HS3ST3A1: variants seen among roughly 807,000 people sequenced by gnomAD.
HS3ST3A1 encodes heparan sulfate-glucosamine 3-sulfotransferase 3A1, also known as heparan sulfate glucosamine 3-O-sulfotransferase 3A1.
HS3ST3A1 carries 19 observed loss-of-function variants against 25.7 expected under a neutral mutation model. The observed-to-expected ratio is 0.74, with a 90% CI of 0.52 to 1.08. The LOEUF (loss-of-function observed/expected upper bound fraction) is 1.08, where lower values mean the gene tolerates loss of function less well. HS3ST3A1 is among the 50% of genes least tolerant of loss of function. The pLI, the probability that HS3ST3A1 is intolerant of heterozygous loss-of-function variation, is 0.00. For synonymous variants in HS3ST3A1, 226 were observed against 278.6 expected, an observed-to-expected ratio of 0.81 and a Z score of 1.88; for missense variants, 459 against 594.3, an observed-to-expected ratio of 0.77 and a Z score of 2.37.
intron 1 of HS3ST3A1, among the ~76,000 whole-genome samples, chr17:13,548,780 A>G (rs895279874): frequency 4.9e-4 from 75 of 152,194 alleles, no homozygotes; most frequent in African/African-American, 1.7e-3. Context: ...GTCTAGCTAA[A>G]GGTTTATAAA....
chr17:13,526,009 A>G (rs1477099463), intron 1 of HS3ST3A1, among the ~76,000 whole-genome samples: 1 of 152,038 alleles, frequency 6.6e-6, no homozygotes, highest in East Asian at 1.9e-4. Context: ...TGTACTTGAC[A>G]TGATATCCTA....
chr17:13,589,715 T>G (rs899433532), intron 1 of HS3ST3A1, among the ~76,000 whole-genome samples: 6 of 152,192 alleles, frequency 3.9e-5, no homozygotes, highest in Non-Finnish European at 8.8e-5. Context: ...GTTTACTTTG[T>G]TTAAAGCTTT....
At chr17:13,564,616 T>C (rs1274495933) in intron 1 of HS3ST3A1, among the ~76,000 whole-genome samples, 3 of 152,148 alleles carry the variant, frequency 2.0e-5, no homozygotes, top group African/African-American at 7.2e-5. Context: ...TTTTTATTAT[T>C]GTATTGTTTT....
chr17:13,591,572 A>G (rs1224301184), intron 1 of HS3ST3A1, among the ~76,000 whole-genome samples: 1 of 152,144 alleles, frequency 6.6e-6, no homozygotes, highest in Non-Finnish European at 1.5e-5. Context: ...TAATAGGCCA[A>G]TTGACTAACA....
intron 1 of HS3ST3A1, among the ~76,000 whole-genome samples, chr17:13,583,195 C>T (rs189150423): frequency 6.6e-6 from 1 of 152,288 alleles, no homozygotes; most frequent in East Asian, 1.9e-4. Flanking sequence ...GACTCGACCA[C>T]TAAGAAAATT....
chr17:13,567,237 G>A (rs975074773), intron 1 of HS3ST3A1, among the ~76,000 whole-genome samples: 8 of 152,162 alleles, frequency 5.3e-5, no homozygotes, highest in Non-Finnish European at 1.2e-4. Context: ...TCTGTTTACA[G>A]CATGGTTTAC....
chr17:13,560,615 C>A (rs1008846277), intron 1 of HS3ST3A1, among the ~76,000 whole-genome samples: 2 of 152,060 alleles, frequency 1.3e-5, no homozygotes, highest in African/African-American at 4.8e-5. Flanking sequence ...TCTGGATACC[C>A]TGCTGATTAT....
intron 1 of HS3ST3A1, among the ~76,000 whole-genome samples, chr17:13,577,878 G>GT (rs1009873425): frequency 4.6e-5 from 7 of 152,090 alleles, no homozygotes; most frequent in Non-Finnish European, 8.8e-5. Context: ...GTGTGTGTGT[G>GT]TGTGTGTGTG....
At chr17:13,590,326 TAAA>T (rs59735905) in intron 1 of HS3ST3A1, among the ~76,000 whole-genome samples, 60,835 of 147,556 alleles carry the variant, frequency 0.41, 13,698 homozygotes, top group Admixed American at 0.53. Flanking sequence ...TCTGTGAGGT[TAAA>T]AAAAAAAAAA....
intron 1 of HS3ST3A1, among the ~76,000 whole-genome samples, chr17:13,514,822 C>T (rs2142311170): frequency 6.6e-6 from 1 of 152,290 alleles, no homozygotes; most frequent in Non-Finnish European, 1.5e-5. Context: ...AGTACACATA[C>T]TGGATTTCAT....
In HS3ST3A1 at chr17:13,545,432, G is replaced by T. The variant is rs150794020; in HGVS notation, c.600-48614C>A. 3.3e-5 allele frequency among the ~76,000 whole-genome samples: 5 copies of T among 152,154 alleles called. No individual in the cohort carries two copies. In the East Asian group the frequency reaches 7.7e-4, roughly 24 times the overall value. On this transcript the variant is annotated intron_variant, in intron 1 of 1. Transcript: ENST00000284110. ...CTGGCCTTTTCTCTTCGATTGGCCT[G>T]CCTTCACCATCTGAGAAATCTTTCC...
At chr17:13,507,983 T>A (rs1029656880) in intron 1 of HS3ST3A1, among the ~76,000 whole-genome samples, 3 of 152,194 alleles carry the variant, frequency 2.0e-5, no homozygotes, top group Non-Finnish European at 4.4e-5. Flanking sequence ...ACGTGACTTA[T>A]AAGGATGGAA....
At chr17:13,506,963 G>C (rs1299603172) in intron 1 of HS3ST3A1, among the ~76,000 whole-genome samples, 1 of 151,264 alleles carries the variant, frequency 6.6e-6, no homozygotes, top group Non-Finnish European at 1.5e-5. Context: ...CAGCTCCTCA[G>C]GTGGCTGAGG....
chr17:13,516,964 G>C (rs1906075768), intron 1 of HS3ST3A1, among the ~76,000 whole-genome samples: 1 of 152,138 alleles, frequency 6.6e-6, no homozygotes, highest in Non-Finnish European at 1.5e-5. Context: ...GGGATTACAG[G>C]CGTGAGCCAC....
At position 13,600,569 on chromosome 17, in the gene HS3ST3A1, G is replaced by A. The variant is rs1467678779; in HGVS notation, c.561C>T (p.Phe187=). 3.7e-6 allele frequency: 6 copies of A among 1,602,388 alleles called. No homozygotes were observed. Among genetic ancestry groups the A allele is most frequent in the Middle Eastern group, 1.7e-4 (1 of 6,036 alleles). Residue 187 remains phenylalanine (F), a synonymous_variant, in exon 1 of 2, where the codon TTC becomes TTT. Transcript: ENST00000284110. ...DVRAVGAEPH[F]FDRSYDKGLA... ...GGCCCTTGTCGTAGCTGCGGTCGAA[G>A]AAGTGGGGCTCGGCGCCCACGGCGC...
chr17:13,551,105 A>G (rs1907229636), intron 1 of HS3ST3A1, among the ~76,000 whole-genome samples: 3 of 149,672 alleles, frequency 2.0e-5, no homozygotes. Context: ...AAAAAAATCT[A>G]TAACGAGTAA....
chr17:13,502,590 C>G (rs1008932796), intron 1 of HS3ST3A1, among the ~76,000 whole-genome samples: 4 of 152,170 alleles, frequency 2.6e-5, no homozygotes, highest in African/African-American at 9.7e-5. Context: ...CTTCACCCTC[C>G]CTCTGGAACT....
At position 13,520,343 on chromosome 17, in the gene HS3ST3A1, A is replaced by G. The variant is rs11655905; in HGVS notation, c.600-23525T>C. Among the ~76,000 whole-genome samples the G allele has an allele frequency of 9.4e-3, 1,427 of 152,314 alleles. 10 individuals carry two copies. Among genetic ancestry groups the G allele is most frequent in the Middle Eastern group, 0.024 (7 of 294 alleles). Reference sequence around the variant, plus strand: ...TTTAGGACAGTTTCACTATCATCCAATCCTCTTAAAGCTACAGTATGTTTG... The same window carrying G: ...TTTAGGACAGTTTCACTATCATCCAGTCCTCTTAAAGCTACAGTATGTTTG... On this transcript the variant is annotated intron_variant, in intron 1 of 1. Coordinates refer to ENST00000284110, the MANE Select transcript of HS3ST3A1 (RefSeq NM_006042.3).
rs371907560 is a variant in HS3ST3A1 at position 13,560,058 on chromosome 17, G to A, written c.599+40473C>T. Among the ~76,000 whole-genome samples the A allele has an allele frequency of 3.2e-4, 49 of 151,656 alleles. 1 individual carries two copies. Among genetic ancestry groups the A allele is most frequent in the Admixed American group, 1.1e-3 (16 of 15,222 alleles). ...TAATCACAGCACTTTGGGAGGCCGAGGCAGGCAGATCACCTGAGGTCAGGA... is the reference window on the plus strand; with the variant it reads ...TAATCACAGCACTTTGGGAGGCCGAAGCAGGCAGATCACCTGAGGTCAGGA... On this transcript the variant is annotated intron_variant, in intron 1 of 1. Transcript: ENST00000284110.
Sources: allele counts gnomAD v4.1 joint callset (sites outside exome capture counted in the v4.1 genomes callset), GRCh38; gene constraint gnomAD v4.1.1; transcripts MANE v1.5; gene names NCBI Gene and HGNC (gene_info 2026-07-23, HGNC 2026-07-21).